RNF40: variants seen among roughly 807,000 people sequenced by gnomAD.
RNF40 encodes the protein E3 ubiquitin-protein ligase BRE1B.
Under a neutral mutation model 123.3 loss-of-function variants are expected in RNF40, and 39 were observed. That is an observed-to-expected ratio of 0.32 (90% confidence interval 0.24 to 0.41). RNF40 has a LOEUF of 0.41. Among genes scored for constraint, RNF40 ranks in the 10% least tolerant of loss-of-function variants. The pLI, the probability that RNF40 is intolerant of heterozygous loss-of-function variation, is 1.00. For missense variants in RNF40, 1,003 were observed against 1,319.9 expected (o/e 0.76, Z 3.72); for synonymous variants, 538 against 526.0 (o/e 1.02, Z -0.31).
In RNF40 at chr16:30,768,168, C is replaced by G; in HGVS notation, c.1617C>G (p.Gly539=). The G allele has an allele frequency of 6.2e-7, 1 of 1,610,634 alleles. No homozygotes were observed. The highest frequency in any genetic ancestry group is 8.5e-7 in the Non-Finnish European group (1 of 1,178,398). The change falls in exon 13 of 20, where the codon GGC becomes GGG. Residue 539 remains glycine (G), a synonymous_variant. Coordinates refer to ENST00000324685, the MANE Select transcript of RNF40 (RefSeq NM_014771.4). This position sits in a 1 kb window ranked among gnomAD's most constrained non-coding sequence, Gnocchi z 4.1. ...ACCTGGGCCACCCAGAGGATTCTGGCGTCAGTGCCCCAGCCCCAGGGAAAG... is the reference window on the plus strand; with the variant it reads ...ACCTGGGCCACCCAGAGGATTCTGGGGTCAGTGCCCCAGCCCCAGGGAAAG... The part of the protein sequence containing the change: ...TPNLGHPEDS[G]VSAPAPGKEE...
At position 30,772,116 on chromosome 16, in the gene RNF40, C is replaced by T. The variant is rs2054158845; in HGVS notation, c.2755C>T (p.Leu919=). Residue 919 remains leucine, a synonymous_variant, in exon 19 of 20, where the codon CTG becomes TTG. Coordinates refer to ENST00000324685, the MANE Select transcript of RNF40 (RefSeq NM_014771.4). ...GGACATCTCACGGCTGCGGCGCAAG[C>T]TGGAAAAGCAGAGGAAGGTGGAGGT... ...QEDISRLRRK[L]EKQRKVEVYA... 1.3e-6 allele frequency: 2 copies of T among 1,557,456 alleles called. No homozygotes were observed. Among genetic ancestry groups the T allele is most frequent in the African/African-American group, 1.4e-5 (1 of 73,288 alleles).
intron 17 of RNF40, among the ~76,000 whole-genome samples, chr16:30,769,995 C>T (rs1234466177): frequency 6.6e-6 from 1 of 151,906 alleles, no homozygotes; most frequent in African/African-American, 2.4e-5. Flanking sequence ...GCTTCTCGAG[C>T]AGGCTGACAG....
intron 11 of RNF40, among the ~76,000 whole-genome samples, chr16:30,767,199 GGGT>G (rs1382134325): frequency 6.6e-6 from 1 of 152,212 alleles, no homozygotes; most frequent in African/African-American, 2.4e-5. Context: ...CTCTGTTCTA[GGGT>G]TTGGGGTTAT....
rs202026208 is a variant in RNF40, at chr16:30,769,011, C to T, written c.2247+24C>T. 2.7e-4 allele frequency: 436 copies of T among 1,613,442 alleles called. 2 individuals are homozygous for T. Among genetic ancestry groups the T allele is most frequent in the Non-Finnish European group, 2.5e-4 (293 of 1,179,804 alleles). ...AGGTGCGGCCCATGTGGTGCCCTCG[C>T]GTCGGAGCGCAGGGAGTTCCCTTCA... On this transcript the variant is annotated intron_variant, in intron 15 of 19. Transcript: ENST00000324685.
chr16:30,774,199 A>C lies in RNF40; in HGVS notation c.*85A>C, dbSNP rs1596766715. ...TCCCCACCCCAGGTCTAGTGGCCCC[A>C]CCCTCCATTCCGGACCCCATGGGCC... On this transcript the variant is annotated 3_prime_UTR_variant, in exon 20 of 20. Transcript: ENST00000324685. 1 of 1,420,348 alleles carries C rather than the reference A, an allele frequency of 7.0e-7. No individual in the cohort carries two copies. The allele number at this position is 1,420,348 out of a possible 1,614,324, so 88.0% of individuals were successfully genotyped here.
In RNF40 at chr16:30,769,521, G is replaced by A. The variant is rs564561453; in HGVS notation, c.2507G>A (p.Arg836Gln). 5 of 1,613,262 alleles carry A rather than the reference G, an allele frequency of 3.1e-6. No homozygotes were observed. The highest frequency in any genetic ancestry group is 1.7e-4 in the Middle Eastern group (1 of 6,058). ...LTVQKLEEKE[R>Q]ALQGSLGGVE... The stretch of plus-strand genomic sequence containing the variant: ...GTGCAGAAGCTAGAGGAGAAGGAGC[G>A]AGCCTTGCAGGGCAGCCTCGGGGGT... The change falls in exon 17 of 20, where the codon CGA (arginine) becomes CAA (glutamine). Residue 836 changes from arginine (R) to glutamine (Q), a missense_variant. Around this residue, in one of 11 missense-constraint regions of RNF40, gnomAD observed 121 missense variants for 125.3 expected, o/e 0.97. Transcript: ENST00000324685.
chr16:30,773,996 G>A lies in RNF40; in HGVS notation c.2888G>A (p.Cys963Tyr). 1 of 1,614,104 alleles carries A rather than the reference G, an allele frequency of 6.2e-7. No individual in the cohort carries two copies. The highest frequency in any genetic ancestry group is 8.5e-7 in the Non-Finnish European group (1 of 1,179,922). ...AAGAAGGATGCAGTCCTTACCAAGTGCTTCCACGTTTTCTGCTTCGAGTGC... is the reference window on the plus strand; with the variant it reads ...AAGAAGGATGCAGTCCTTACCAAGTACTTCCACGTTTTCTGCTTCGAGTGC... Reference protein sequence around the residue: ...TRKKDAVLTKCFHVFCFECVR... With the variant: ...TRKKDAVLTKYFHVFCFECVR... Residue 963 changes from cysteine to tyrosine, a missense_variant, in exon 20 of 20, where the codon TGC (cysteine) becomes TAC (tyrosine). Cys to Tyr is a radical substitution (Grantham distance 194). This residue lies in a region of RNF40 where 76 missense variants were observed against 134.1 expected (regional missense o/e 0.57). Transcript: ENST00000324685.
intron 17 of RNF40, 117 bp from the exon 18 acceptor site, chr16:30,771,716 G>T (rs2054151162): frequency 2.6e-6 from 3 of 1,159,782 alleles, no homozygotes; most frequent in Non-Finnish European, 1.2e-6. Context: ...GGAGGCAGGA[G>T]CAGCTCCAGG....
upstream of RNF40, chr16:30,761,808 G>T: frequency 7.0e-7 from 1 of 1,426,554 alleles, no homozygotes; most frequent in Non-Finnish European, 9.3e-7. Context: ...TTCCAGGACA[G>T]CCAGCGCTCG....
In RNF40 at chr16:30,765,003, C is replaced by G. The variant is rs1222025628; in HGVS notation, c.715C>G (p.Arg239Gly). 8.1e-6 allele frequency: 13 copies of G among 1,613,814 alleles called. No individual in the cohort carries two copies. Among genetic ancestry groups the G allele is most frequent in the Non-Finnish European group, 1.1e-5 (13 of 1,180,018 alleles). The change falls in exon 6 of 20, where the codon CGA becomes GGA. Residue 239 changes from arginine (R) to glycine (G), a missense_variant. Arg to Gly is a moderately radical substitution (Grantham distance 125). Around this residue, in one of 11 missense-constraint regions of RNF40, gnomAD observed 274 missense variants for 356.9 expected, o/e 0.77. Transcript: ENST00000324685. ...CCGAGAGCTGGGCCGTGAGAACCGG[C>G]GACTGCAGGACTTGGCCACTCAGCT... ...HTRELGRENR[R>G]LQDLATQLQE...
intron 4 of RNF40, 60 bp from the exon 5 acceptor site, chr16:30,764,119 G>T: frequency 7.1e-7 from 1 of 1,407,872 alleles, no homozygotes; most frequent in East Asian, 2.4e-5. Context: ...TCTGGAACTT[G>T]GTACAGAGTG....
chr16:30,763,483 T>G lies in RNF40; in HGVS notation c.366T>G (p.Pro122=), dbSNP rs139969532. 1.1e-5 allele frequency: 18 copies of G among 1,613,706 alleles called. No homozygotes were observed. The highest frequency in any genetic ancestry group is 1.4e-5 in the Non-Finnish European group (16 of 1,179,880). ...HESQGELSSA[P]EAPGTQEGPT... Reference sequence around the variant, plus strand: ...GCCAGGGGGAGCTGTCTTCAGCGCCTGAGGCACCTGGGACCCAGGAGGGGC... The same window carrying G: ...GCCAGGGGGAGCTGTCTTCAGCGCCGGAGGCACCTGGGACCCAGGAGGGGC... Residue 122 remains proline, a synonymous_variant, in exon 4 of 20, where the codon CCT becomes CCG. Transcript: ENST00000324685.
rs755754192 is a variant in RNF40 at position 30,768,834 on chromosome 16, A to G, written c.2098-4A>G. On this transcript the variant is annotated splice_region_variant and splice_polypyrimidine_tract_variant and intron_variant, in intron 14 of 19. Coordinates refer to ENST00000324685, the MANE Select transcript of RNF40 (RefSeq NM_014771.4). The surrounding 1 kb of genome is among the most constrained non-coding windows in gnomAD (Gnocchi z 4.1). The stretch of plus-strand genomic sequence containing the variant: ...AAGAGAGTTTCTTCTTCCCTGTGCT[A>G]TAGGTTGATGAGCTGCGGAGCCGCA... 3 of 1,614,184 alleles carry G rather than the reference A, an allele frequency of 1.9e-6. No homozygotes were observed. The highest frequency in any genetic ancestry group is 1.1e-5 in the South Asian group (1 of 91,084).
intron 8 of RNF40, among the ~76,000 whole-genome samples, chr16:30,765,945 C>A (rs532094340): frequency 4.5e-4 from 68 of 152,184 alleles, no homozygotes; most frequent in Admixed American, 1.5e-3. Context: ...TTCCGTGACT[C>A]CCCATCAGTT....
In RNF40 at chr16:30,765,208, T is replaced by G; in HGVS notation, c.799T>G (p.Ser267Ala). ...EYSELQDKVT[S>A]AETKVLEMET... ...CTCCGAGCTCCAGGATAAAGTGACATCGGCAGAGACCAAGGTGCTGGAGAT... is the reference window on the plus strand; with the variant it reads ...CTCCGAGCTCCAGGATAAAGTGACAGCGGCAGAGACCAAGGTGCTGGAGAT... Residue 267 changes from serine (S) to alanine (A), a missense_variant, in exon 7 of 20, where the codon TCG becomes GCG. Physicochemically the swap from Ser to Ala is moderately conservative, Grantham distance 99. Around this residue, in one of 11 missense-constraint regions of RNF40, gnomAD observed 274 missense variants for 356.9 expected, o/e 0.77. Transcript: ENST00000324685. The G allele has an allele frequency of 1.2e-6, 2 of 1,614,128 alleles. No homozygotes were observed. Among genetic ancestry groups the G allele is most frequent in the Non-Finnish European group, 1.7e-6 (2 of 1,180,018 alleles).
In RNF40 at chr16:30,766,433, A is replaced by G. The variant is rs2054033227; in HGVS notation, c.1168A>G (p.Met390Val). 2.5e-6 allele frequency: 4 copies of G among 1,613,878 alleles called. No homozygotes were observed. Among genetic ancestry groups the G allele is most frequent in the Non-Finnish European group, 3.4e-6 (4 of 1,179,992 alleles). ...AGTGCGGGAGACGGGGGAGTACCGCATGCTGCAGGCCCAATTCTCACTGCT... is the reference window on the plus strand; with the variant it reads ...AGTGCGGGAGACGGGGGAGTACCGCGTGCTGCAGGCCCAATTCTCACTGCT... The part of the protein sequence containing the change: ...EVVRETGEYR[M>V]LQAQFSLLYN... The change falls in exon 10 of 20, where the codon ATG (methionine) becomes GTG (valine). Residue 390 changes from methionine (M) to valine (V), a missense_variant. By Grantham distance (21) the Met-to-Val change is conservative (BLOSUM62 1). Around this residue, in one of 11 missense-constraint regions of RNF40, gnomAD observed 274 missense variants for 356.9 expected, o/e 0.77. Transcript: ENST00000324685. The surrounding 1 kb of genome is among the most constrained non-coding windows in gnomAD (Gnocchi z 5.4).
chr16:30,763,584 G>A (rs2053944737), intron 4 of RNF40, 25 bp downstream of exon 4: 1 of 1,612,774 alleles, frequency 6.2e-7, no homozygotes, highest in African/African-American at 1.3e-5. Context: ...CTGGGATCTG[G>A]GGAGCTTAAG....
chr16:30,768,652 G>C lies in RNF40; in HGVS notation c.2013G>C (p.Leu671=), dbSNP rs1450270089. ...AGGAGAGCCAGAAGGAGATGAAACT[G>C]CTGCTGGATATGTACAAGTCAGCGC... is the stretch of plus-strand genomic sequence containing the variant. ...KAQESQKEMK[L]LLDMYKSAPK... The change falls in exon 14 of 20, where the codon CTG becomes CTC. Residue 671 remains leucine (L), a synonymous_variant. Coordinates refer to ENST00000324685, the MANE Select transcript of RNF40 (RefSeq NM_014771.4). This position sits in a 1 kb window ranked among gnomAD's most constrained non-coding sequence, Gnocchi z 4.1. The C allele has an allele frequency of 3.1e-6, 5 of 1,614,122 alleles. No individual in the cohort carries two copies. The highest frequency in any genetic ancestry group is 4.2e-6 in the Non-Finnish European group (5 of 1,180,062).
At position 30,765,499 on chromosome 16, in the gene RNF40, G is replaced by T; in HGVS notation, c.993G>T (p.Lys331Asn). The T allele has an allele frequency of 1.2e-6, 2 of 1,613,760 alleles. No homozygotes were observed. The highest frequency in any genetic ancestry group is 1.7e-6 in the Non-Finnish European group (2 of 1,179,784). ...GCCAGATCACACTCAGCATGCAGAA[G>T]GTGAGCGGCGTTTTCCTCCCACCCC... ...QGGQITLSMQ[K>N]FEMLNAELEE... Residue 331 changes from lysine (K) to asparagine (N), a missense_variant and splice_region_variant, in exon 8 of 20, where the codon AAG becomes AAT. By Grantham distance (94) the Lys-to-Asn change is moderately conservative (BLOSUM62 0). Coordinates refer to ENST00000324685, the MANE Select transcript of RNF40 (RefSeq NM_014771.4).
Sources: allele counts gnomAD v4.1 joint callset (sites outside exome capture counted in the v4.1 genomes callset), GRCh38; gene constraint gnomAD v4.1.1; regional missense constraint gnomAD v4.1.1; non-coding constraint Gnocchi (gnomAD v3.1); transcripts MANE v1.5; gene names NCBI Gene and HGNC (gene_info 2026-07-23, HGNC 2026-07-21).